The following RABEPK variants were observed in gnomAD, a reference collection of about 807,000 sequenced individuals.
RABEPK encodes Rab9 effector protein with kelch motifs.
RABEPK carries 27 observed loss-of-function variants against 34.1 expected under a neutral mutation model. That is an observed-to-expected ratio of 0.79 (90% CI 0.58 to 1.09). RABEPK has a LOEUF of 1.09. RABEPK is among the 50% of genes least tolerant of loss of function. The pLI, the probability that RABEPK is intolerant of heterozygous loss-of-function variation, is 0.00. For missense variants in RABEPK, 449 were observed against 462.6 expected, an observed-to-expected ratio of 0.97 and a Z score of 0.27; for synonymous variants, 172 against 169.2, an observed-to-expected ratio of 1.02 and a Z score of -0.13.
intron 3 of RABEPK, among the ~76,000 whole-genome samples, chr9:125,210,244 A>C (rs1830496290): frequency 6.6e-6 from 1 of 151,202 alleles, no homozygotes; most frequent in Admixed American, 6.6e-5. Context: ...TCTACTAAAA[A>C]TACAAAAAAT....
chr9:125,209,760 C>T (rs1252128425), intron 3 of RABEPK, among the ~76,000 whole-genome samples: 1 of 152,164 alleles, frequency 6.6e-6, no homozygotes, highest in Non-Finnish European at 1.5e-5. Flanking sequence ...ACACACAGAT[C>T]CCTCTGCTAG....
intron 6 of RABEPK, among the ~76,000 whole-genome samples, chr9:125,230,725 C>T (rs1473646458): frequency 6.6e-6 from 1 of 151,316 alleles, no homozygotes; most frequent in Non-Finnish European, 1.5e-5. Flanking sequence ...TTAGTAGAGA[C>T]AGGGTTTCAC....
rs772798927 is a variant in RABEPK, at chr9:125,207,628, C to A, written c.118C>A (p.Pro40Thr). 101 of 1,613,956 alleles carry A rather than the reference C, an allele frequency of 6.3e-5. No homozygotes were observed. The highest frequency in any genetic ancestry group is 8.1e-5 in the Non-Finnish European group (96 of 1,179,952). The stretch of plus-strand genomic sequence containing the variant: ...AGTTGGCCACAGCTGTTCATATTTA[C>A]CCCCAGTTGGTAATGCCAAGAGAGG... ...ARVGHSCSYLPPVGNAKRGKV... is the reference protein window; with the variant it reads ...ARVGHSCSYLTPVGNAKRGKV... The change falls in exon 3 of 8, where the codon CCC becomes ACC. Residue 40 changes from proline (P) to threonine (T), a missense_variant. Pro to Thr is a conservative substitution (Grantham distance 38, BLOSUM62 -1). Coordinates refer to ENST00000373538, the MANE Select transcript of RABEPK (RefSeq NM_005833.4).
At chr9:125,204,774 C>G (rs1441757167) in intron 2 of RABEPK, among the ~76,000 whole-genome samples, 1 of 151,102 alleles carries the variant, frequency 6.6e-6, no homozygotes, top group Non-Finnish European at 1.5e-5. Context: ...GCTCTTTCTG[C>G]CTGGAGTGCT....
chr9:125,229,254 CAAAAAAAAAA>C (rs1223113249), intron 6 of RABEPK, among the ~76,000 whole-genome samples: 28 of 134,106 alleles, frequency 2.1e-4, no homozygotes, highest in African/African-American at 7.7e-4. Flanking sequence ...ACTCCGTCTC[CAAAAAAAAAA>C]GAAAAAAAGA....
chr9:125,201,674 C>T (rs1325463576), intron 1 of RABEPK, among the ~76,000 whole-genome samples: 2 of 151,900 alleles, frequency 1.3e-5, no homozygotes, highest in East Asian at 1.9e-4. Flanking sequence ...GTGCAAGTGG[C>T]GCAATTTCGG....
intron 4 of RABEPK, among the ~76,000 whole-genome samples, chr9:125,214,523 T>TTTTTCATATC (rs1830797243): frequency 6.6e-6 from 1 of 152,152 alleles, no homozygotes; most frequent in Non-Finnish European, 1.5e-5. Context: ...GTTCGTTTTG[T>TTTTTCATATC]TTGTTTGTTT....
intron 2 of RABEPK, 85 bp downstream of exon 2, chr9:125,203,151 A>G: frequency 1.7e-6 from 2 of 1,174,198 alleles, no homozygotes; most frequent in South Asian, 2.5e-5. Flanking sequence ...GATCATCAAC[A>G]AAAAGGGGTA....
At chr9:125,223,712 G>A (rs1283978277) in intron 5 of RABEPK, among the ~76,000 whole-genome samples, 10 of 120,990 alleles carry the variant, frequency 8.3e-5, no homozygotes, top group South Asian at 2.8e-4. Flanking sequence ...GCAGTAGAGC[G>A]AGACCCTGAC....
At chr9:125,223,562 A>G (rs888114420) in intron 5 of RABEPK, among the ~76,000 whole-genome samples, 2 of 152,074 alleles carry the variant, frequency 1.3e-5, no homozygotes, top group African/African-American at 4.8e-5. Context: ...TTTGTCTATT[A>G]TAAACAATAC....
chr9:125,206,108 C>A (rs547342613), intron 2 of RABEPK, among the ~76,000 whole-genome samples: 2 of 152,136 alleles, frequency 1.3e-5, no homozygotes, highest in African/African-American at 4.8e-5. Context: ...GAGTCTCAAA[C>A]ACCAGAGAGG....
At chr9:125,218,179 G>T (rs359579) in intron 4 of RABEPK, among the ~76,000 whole-genome samples, 1 of 150,654 alleles carries the variant, frequency 6.6e-6, no homozygotes, top group African/African-American at 2.4e-5. Flanking sequence ...AATTAGCCGG[G>T]CATGGTGGCG....
chr9:125,204,468 G>A (rs1353719930), intron 2 of RABEPK, among the ~76,000 whole-genome samples: 1 of 152,172 alleles, frequency 6.6e-6, no homozygotes, highest in Non-Finnish European at 1.5e-5. Flanking sequence ...TGTAATCCTG[G>A]CCACTCGGGA....
intron 5 of RABEPK, among the ~76,000 whole-genome samples, chr9:125,226,714 A>G (rs1425196727): frequency 1.3e-5 from 2 of 151,682 alleles, no homozygotes; most frequent in Non-Finnish European, 2.9e-5. Flanking sequence ...AAATAGAAAA[A>G]TTAGCTGGGG....
chr9:125,231,460 G>C (rs529930688), intron 6 of RABEPK, among the ~76,000 whole-genome samples: 1 of 152,064 alleles, frequency 6.6e-6, no homozygotes, highest in Admixed American at 6.6e-5. Context: ...ATAGGGTCTC[G>C]GACAAGTCTC....
rs758925009 is a variant in RABEPK at position 125,220,631 on chromosome 9, T to C, written c.457T>C (p.Tyr153His). 1 of 1,614,116 alleles carries C rather than the reference T, an allele frequency of 6.2e-7. No individual in the cohort carries two copies. Among genetic ancestry groups the C allele is most frequent in the Non-Finnish European group, 8.5e-7 (1 of 1,180,028 alleles). ...ATCGGCAGCCATTGGAAACCAGCTA[T>C]ATGTCTTTGGGGGCGGAGAGAGAGG... ...TSSAAIGNQL[Y>H]VFGGGERGAQ... is the part of the protein sequence containing the mutation. The change falls in exon 5 of 8, where the codon TAT becomes CAT. Residue 153 changes from tyrosine to histidine, a missense_variant. Tyr to His is a moderately conservative substitution (Grantham distance 83, BLOSUM62 2). Coordinates refer to ENST00000373538, the MANE Select transcript of RABEPK (RefSeq NM_005833.4).
chr9:125,207,839 G>C (rs1314843044), intron 3 of RABEPK, 118 bp downstream of exon 3: 1 of 1,258,052 alleles, frequency 7.9e-7, no homozygotes, highest in Non-Finnish European at 1.1e-6. Context: ...AGAAAACATG[G>C]CCAGGACCAG....
At chr9:125,214,891 A>G (rs1830824545) in intron 4 of RABEPK, among the ~76,000 whole-genome samples, 1 of 151,574 alleles carries the variant, frequency 6.6e-6, no homozygotes, top group Non-Finnish European at 1.5e-5. Context: ...CCCGGGTTCA[A>G]GTGATTCTCC....
chr9:125,227,309 C>G (rs919583417), intron 5 of RABEPK, among the ~76,000 whole-genome samples: 29 of 152,066 alleles, frequency 1.9e-4, no homozygotes, highest in African/African-American at 6.3e-4. Context: ...AAGAGGAGAT[C>G]GTTTTTATTT....
Sources: allele counts gnomAD v4.1 joint callset (sites outside exome capture counted in the v4.1 genomes callset), GRCh38; gene constraint gnomAD v4.1.1; transcripts MANE v1.5; gene names NCBI Gene and HGNC (gene_info 2026-07-23, HGNC 2026-07-21).